Variants in THADA observed in about 807,000 individuals in gnomAD.
THADA encodes the protein tRNA (32-2'-O)-methyltransferase regulator THADA.
Under a neutral mutation model 219.8 loss-of-function variants are expected in THADA, and 213 were observed. That is an observed-to-expected ratio of 0.97 (90% CI 0.87 to 1.09). The LOEUF (loss-of-function observed/expected upper bound fraction) is 1.09, where lower values mean the gene tolerates loss of function less well. THADA is among the 50% of genes least tolerant of loss of function. The pLI is 0.00. For missense variants in THADA, 2,956 were observed against 2,311.3 expected, an observed-to-expected ratio of 1.28 and a Z score of -5.72; for synonymous variants, 1,018 against 828.9, an observed-to-expected ratio of 1.23 and a Z score of -3.92.
intron 36 of THADA, among the ~76,000 whole-genome samples, chr2:43,262,381 G>A (rs114887962): frequency 0.011 from 1,663 of 152,290 alleles, 25 homozygotes; most frequent in African/African-American, 0.038. Flanking sequence ...GGATGAAGAG[G>A]TGACCTTGAG....
chr2:43,500,268 G>A (rs1688781384), intron 24 of THADA, among the ~76,000 whole-genome samples: 1 of 152,170 alleles, frequency 6.6e-6, no homozygotes, highest in Admixed American at 6.5e-5. Context: ...AGAAGGATGT[G>A]GACTGGAAGA....
chr2:43,300,601 T>G (rs74729550), intron 31 of THADA, among the ~76,000 whole-genome samples: 14 of 152,184 alleles, frequency 9.2e-5, no homozygotes, highest in Non-Finnish European at 1.3e-4. Context: ...CACAGGAACC[T>G]TGCTGGGAGA....
At chr2:43,331,918 T>TACACACACACACAC (rs141276481) in intron 30 of THADA, among the ~76,000 whole-genome samples, 1,527 of 142,816 alleles carry the variant, frequency 0.011, 19 homozygotes, top group African/African-American at 0.017. Flanking sequence ...ATATATCTAA[T>TACACACACACACAC]ACACACACAC....
Position 43,589,647 on chromosome 2 carries a change from A to G in THADA, c.302+1177T>C, listed in dbSNP as rs1203807239. Among the ~76,000 whole-genome samples the G allele has an allele frequency of 2.0e-5, 3 of 152,226 alleles. No homozygotes were observed. The East Asian group carries it at 5.8e-4, about 29-fold the overall frequency. On this transcript the variant is annotated intron_variant, in intron 4 of 37. Transcript: ENST00000405975. ...AGCTTATCTATGAGGATGCAAAGGC[A>G]TAAGAATGATACAATGGCCTTTGGA... is the stretch of plus-strand genomic sequence containing the variant.
chr2:43,570,650 T>C (rs1699190841), intron 13 of THADA, 140 bp from the exon 14 acceptor site: 1 of 902,666 alleles, frequency 1.1e-6, no homozygotes, highest in South Asian at 2.5e-5. Flanking sequence ...TAATGTTTCT[T>C]TTTGACAGAA....
intron 29 of THADA, among the ~76,000 whole-genome samples, chr2:43,344,636 T>C (rs1166389175): frequency 6.6e-6 from 1 of 152,276 alleles, no homozygotes; most frequent in Non-Finnish European, 1.5e-5. Context: ...GAAAAATACA[T>C]TGTTTGAGAG....
intron 25 of THADA, among the ~76,000 whole-genome samples, chr2:43,488,663 G>A (rs1687211226): frequency 6.6e-6 from 1 of 152,130 alleles, no homozygotes; most frequent in African/African-American, 2.4e-5. Flanking sequence ...GTTTTTGTGT[G>A]AACATGTTTT....
intron 36 of THADA, among the ~76,000 whole-genome samples, chr2:43,236,586 G>A (rs1668054504): frequency 6.6e-6 from 1 of 152,214 alleles, no homozygotes; most frequent in African/African-American, 2.4e-5. Context: ...GCTGGGCTCA[G>A]TGGCTCACAC....
chr2:43,523,165 G>A (rs1047907813), intron 22 of THADA, among the ~76,000 whole-genome samples: 2 of 151,960 alleles, frequency 1.3e-5, no homozygotes, highest in Non-Finnish European at 2.9e-5. Context: ...AGGAGTTCGA[G>A]ACCAGCCTAA....
At chr2:43,295,561 A>G (rs1362349001) in intron 31 of THADA, among the ~76,000 whole-genome samples, 4 of 152,248 alleles carry the variant, frequency 2.6e-5, no homozygotes, top group Admixed American at 6.5e-5. Context: ...CCAAGATGTT[A>G]ACAAGTTTAT....
intron 24 of THADA, among the ~76,000 whole-genome samples, chr2:43,503,075 C>T (rs1311980295): frequency 6.6e-6 from 1 of 152,144 alleles, no homozygotes; most frequent in Non-Finnish European, 1.5e-5. Flanking sequence ...TCTGATAATA[C>T]AAAGGTGTTG....
chr2:43,376,215 AGACACAAG>A (rs1671367746), intron 29 of THADA, among the ~76,000 whole-genome samples: 1 of 152,222 alleles, frequency 6.6e-6, no homozygotes, highest in African/African-American at 2.4e-5. Context: ...CAGACAGTCA[AGACACAAG>A]GACACTCTGC....
intron 7 of THADA, among the ~76,000 whole-genome samples, chr2:43,585,997 A>C (rs965394717): frequency 2.0e-5 from 3 of 152,092 alleles, no homozygotes; most frequent in Non-Finnish European, 2.9e-5. Flanking sequence ...GGGCATAGTG[A>C]CTAACGCCTG....
At chr2:43,319,202 C>A (rs1009228050) in intron 31 of THADA, among the ~76,000 whole-genome samples, 2 of 152,190 alleles carry the variant, frequency 1.3e-5, no homozygotes, top group African/African-American at 2.4e-5. Flanking sequence ...TAAGGGTAAG[C>A]TGGAGTAGAT....
intron 21 of THADA, 64 bp downstream of exon 21, chr2:43,541,094 TA>T (rs989318317): frequency 4.3e-3 from 4,972 of 1,159,092 alleles, no homozygotes; most frequent in South Asian, 0.011. Flanking sequence ...AGTTGGGTTA[TA>T]AAAAAAAAAG....
chr2:43,441,929 C>G (rs546601588), intron 26 of THADA, among the ~76,000 whole-genome samples: 1 of 152,088 alleles, frequency 6.6e-6, no homozygotes, highest in Admixed American at 6.6e-5. Context: ...TCATGTTGGG[C>G]GCAATCCTAT....
At chr2:43,244,681 G>A (rs899377059) in intron 36 of THADA, among the ~76,000 whole-genome samples, 3 of 152,226 alleles carry the variant, frequency 2.0e-5, no homozygotes, top group African/African-American at 7.2e-5. Flanking sequence ...ATTTGGTGAC[G>A]ATTCCTTTGG....
At chr2:43,382,189 A>G (rs1202220189) in intron 29 of THADA, among the ~76,000 whole-genome samples, 1 of 152,226 alleles carries the variant, frequency 6.6e-6, no homozygotes, top group Admixed American at 6.5e-5. Context: ...CTGGAACAGA[A>G]AAAAGACAGT....
intron 26 of THADA, among the ~76,000 whole-genome samples, chr2:43,461,778 G>A (rs748858348): frequency 6.6e-6 from 1 of 152,318 alleles, no homozygotes; most frequent in Admixed American, 6.5e-5. Context: ...TCTCTGGCCT[G>A]ATCTCTGGCT....
Sources: allele counts gnomAD v4.1 joint callset (sites outside exome capture counted in the v4.1 genomes callset), GRCh38; gene constraint gnomAD v4.1.1; transcripts MANE v1.5; gene names NCBI Gene and HGNC (gene_info 2026-07-23, HGNC 2026-07-21).